Variants in ZNF91 observed in about 807,000 individuals in gnomAD.
The protein encoded by ZNF91 is zinc finger protein 91 (HPF7, HTF10).
Under a neutral mutation model 12.6 loss-of-function variants are expected in ZNF91, and 7 were observed. The observed-to-expected ratio is 0.55, with a 90% CI of 0.31 to 1.04. The LOEUF (loss-of-function observed/expected upper bound fraction) is 1.04. ZNF91 is among the 50% of genes least tolerant of loss of function. The pLI is 0.05. For missense variants in ZNF91, 1,217 were observed against 1,385.4 expected (o/e 0.88, Z 1.93); for synonymous variants, 453 against 462.6 (o/e 0.98, Z 0.27).
chr19:23,353,805 C>T (rs1968423968), downstream of ZNF91, among the ~76,000 whole-genome samples: 1 of 152,070 alleles, frequency 6.6e-6, no homozygotes, highest in Admixed American at 6.5e-5. Context: ...TCATTCAAGA[C>T]TACTATGAAC....
chr19:23,348,232 A>G (rs1968277446), intron 3 of ZNF91, among the ~76,000 whole-genome samples: 1 of 152,028 alleles, frequency 6.6e-6, no homozygotes. Context: ...TGCAACACCA[A>G]AGGCACACTC....
At chr19:23,341,796 C>T (rs943665395) in intron 3 of ZNF91, among the ~76,000 whole-genome samples, 3 of 152,162 alleles carry the variant, frequency 2.0e-5, no homozygotes, top group African/African-American at 7.2e-5. Flanking sequence ...TCCTCTTACA[C>T]ATTTCAGACA....
chr19:23,362,847 C>A (rs755729598), intron 3 of ZNF91, 122 bp from the exon 4 acceptor site: 13 of 1,228,576 alleles, frequency 1.1e-5, no homozygotes, highest in Non-Finnish European at 1.3e-5. Flanking sequence ...CTGCAAAATA[C>A]CACAGGCCCT....
chr19:23,310,232 G>C (rs144616005), intron 1 of ZNF91, among the ~76,000 whole-genome samples: 1,525 of 152,214 alleles, frequency 0.01, 35 homozygotes, highest in African/African-American at 0.035. Flanking sequence ...CCTGAACAAA[G>C]GTAAGATTGT....
chr19:23,342,244 T>C, intron 3 of ZNF91: 2 of 519,982 alleles, frequency 3.8e-6, no homozygotes, highest in Non-Finnish European at 7.1e-6. Flanking sequence ...GGATATCAGA[T>C]CAGAGTTAGA....
intron 3 of ZNF91, among the ~76,000 whole-genome samples, chr19:23,343,231 T>C (rs891335543): frequency 5.3e-5 from 8 of 152,200 alleles, no homozygotes; most frequent in African/African-American, 1.9e-4. Flanking sequence ...AAGGTACCTC[T>C]CCAATTTTAA....
At chr19:23,366,156 G>A (rs942907181) in intron 3 of ZNF91, among the ~76,000 whole-genome samples, 1 of 152,032 alleles carries the variant, frequency 6.6e-6, no homozygotes, top group Non-Finnish European at 1.5e-5. Context: ...GGGCAGAGGC[G>A]CCCCTCACCT....
chr19:23,380,194 G>T (rs912862665), intron 1 of ZNF91: 1 of 148,622 alleles, frequency 6.7e-6, no homozygotes, highest in Non-Finnish European at 1.5e-5. Flanking sequence ...AGAAGGCGGA[G>T]GTTGCAGTGA....
chr19:23,347,411 A>T (rs1968258316), intron 3 of ZNF91, among the ~76,000 whole-genome samples: 1 of 152,134 alleles, frequency 6.6e-6, no homozygotes, highest in Non-Finnish European at 1.5e-5. Flanking sequence ...ATCAAACCCC[A>T]GACAATCCTA....
intron 1 of ZNF91, among the ~76,000 whole-genome samples, chr19:23,323,676 CCTCCTCTACTT>C (rs201581311): frequency 0.019 from 2,559 of 135,324 alleles, 33 homozygotes; most frequent in Non-Finnish European, 0.022. Flanking sequence ...CTTCTCTCCT[CCTCCTCTACTT>C]CTCCTTCTTT....
chr19:23,386,307 C>A (rs937505779), intron 1 of ZNF91, among the ~76,000 whole-genome samples: 4 of 151,908 alleles, frequency 2.6e-5, no homozygotes, highest in Admixed American at 6.6e-5. Context: ...GAAAAAAAAA[C>A]TGTTGTAAAA....
At chr19:23,382,693 C>T (rs1201740633) in intron 1 of ZNF91, among the ~76,000 whole-genome samples, 1 of 152,082 alleles carries the variant, frequency 6.6e-6, no homozygotes, top group African/African-American at 2.4e-5. Flanking sequence ...TTACCACTGA[C>T]CCCACAAAAA....
At chr19:23,349,087 C>G (rs952039298) in intron 3 of ZNF91, among the ~76,000 whole-genome samples, 1 of 152,158 alleles carries the variant, frequency 6.6e-6, no homozygotes, top group African/African-American at 2.4e-5. Context: ...TTTATCAAGA[C>G]AATGTGTGCC....
intron 3 of ZNF91, among the ~76,000 whole-genome samples, chr19:23,352,335 T>G (rs1317496257): frequency 6.6e-6 from 1 of 152,024 alleles, no homozygotes; most frequent in Non-Finnish European, 1.5e-5. Context: ...GGTACAAAAC[T>G]TTAGTGACCT....
chr19:23,315,596 G>C (rs1204628554), upstream of ZNF91, among the ~76,000 whole-genome samples: 2 of 151,182 alleles, frequency 1.3e-5, no homozygotes, highest in African/African-American at 4.9e-5. Flanking sequence ...TCTTGGACCT[G>C]TCCACAGTGG....
chr19:23,322,019 G>A (rs1464731755), intron 1 of ZNF91, among the ~76,000 whole-genome samples: 2 of 152,134 alleles, frequency 1.3e-5, no homozygotes, highest in African/African-American at 4.8e-5. Context: ...GTAACATATG[G>A]CCCAGCATGT....
chr19:23,342,935 AT>A (rs1020577033), intron 3 of ZNF91, among the ~76,000 whole-genome samples: 52 of 152,226 alleles, frequency 3.4e-4, no homozygotes, highest in Admixed American at 2.0e-4. Flanking sequence ...GCAAATGGCC[AT>A]GGGCAGAATT....
chr19:23,323,551 CTTCCTTT>C (rs886934263), intron 1 of ZNF91, among the ~76,000 whole-genome samples: 1 of 150,612 alleles, frequency 6.6e-6, no homozygotes, highest in Non-Finnish European at 1.5e-5. Context: ...TTTCTCTCCT[CTTCCTTT>C]TTCCTTTTCC....
chr19:23,337,096 A>C (rs950560065), downstream of ZNF91, among the ~76,000 whole-genome samples: 3 of 152,140 alleles, frequency 2.0e-5, no homozygotes, highest in Non-Finnish European at 4.4e-5. Flanking sequence ...AATAATGTAC[A>C]TTATAACTAT....
Sources: gnomAD v4.1 joint callset for allele counts (sites outside exome capture counted in the v4.1 genomes callset) on GRCh38, gnomAD v4.1.1 for gene constraint, MANE v1.5 for transcripts, NCBI Gene and HGNC (gene_info 2026-07-23, HGNC 2026-07-21) for gene names.